MTMR3: variants seen among roughly 807,000 people sequenced by gnomAD.
MTMR3 encodes myotubularin related protein 3, also known as phosphatidylinositol-3,5-bisphosphate 3-phosphatase MTMR3.
MTMR3 carries 32 observed loss-of-function variants against 132.4 expected under a neutral mutation model. The observed-to-expected ratio is 0.24, with a 90% confidence interval of 0.18 to 0.32. The LOEUF is 0.32. Ranked by LOEUF, MTMR3 falls within the 10% of genes least tolerant of loss-of-function variation. The pLI, the probability that MTMR3 is intolerant of heterozygous loss-of-function variation, is 1.00. For missense variants in MTMR3, 1,216 were observed against 1,489.6 expected, an observed-to-expected ratio of 0.82 and a Z score of 3.02; for synonymous variants, 556 against 550.3, an observed-to-expected ratio of 1.01 and a Z score of -0.14.
At chr22:29,929,801 C>T (rs112965740) in intron 1 of MTMR3, among the ~76,000 whole-genome samples, 6,602 of 152,214 alleles carry the variant, frequency 0.043, 483 homozygotes, top group African/African-American at 0.15. Flanking sequence ...CGTGAGCCAC[C>T]GCGCCCGGCC....
chr22:30,003,961 A>C (rs1408697134), intron 9 of MTMR3: 1 of 152,150 alleles, frequency 6.6e-6, no homozygotes, highest in Admixed American at 6.5e-5. Flanking sequence ...TAGAAACTTC[A>C]TTCCACTGAA....
chr22:30,030,539 A>G lies in MTMR3; in HGVS notation c.*4738A>G, dbSNP rs2067992329. On this transcript the variant is annotated 3_prime_UTR_variant, in exon 20 of 20. Transcript: ENST00000401950. ...GTTGAGCCCCTGGATTTGGGTTGTC[A>G]CTGTGGTTCTCCTGCCAGTGCTATA... 1 of 148,882 alleles carries G rather than the reference A, an allele frequency of 6.7e-6. No homozygotes were observed. The highest frequency in any genetic ancestry group is 2.5e-5 in the African/African-American group (1 of 40,264). 9.2% of individuals were successfully genotyped at this position (148,882 alleles called of 1,614,324 possible).
At chr22:29,986,488 T>C (rs2066859985) in intron 5 of MTMR3, 4 of 702,110 alleles carry the variant, frequency 5.7e-6, no homozygotes, top group Non-Finnish European at 6.9e-6. Flanking sequence ...CTCTGATAAA[T>C]TGTAGGTTTG....
At chr22:30,013,690 A>G in intron 14 of MTMR3, 149 bp downstream of exon 14, 1 of 761,500 alleles carries the variant, frequency 1.3e-6, no homozygotes, top group Non-Finnish European at 2.0e-6. Flanking sequence ...TTTAGTAAAT[A>G]ATTTTGCTAT....
chr22:29,907,688 A>G (rs1385705373), intron 1 of MTMR3, among the ~76,000 whole-genome samples: 2 of 152,258 alleles, frequency 1.3e-5, no homozygotes, highest in African/African-American at 4.8e-5. Flanking sequence ...ATGCTTGCAC[A>G]TAAGAGAATC....
rs2145966868 is a variant in MTMR3, at chr22:30,017,754, T to G, written c.1675-173T>G. On this transcript the variant is annotated intron_variant, in intron 15 of 19. Coordinates refer to ENST00000401950, the MANE Select transcript of MTMR3 (RefSeq NM_021090.4). Reference sequence around the variant, plus strand: ...AATGTTGGCTATATAAAATGTCTAGTCCTGTATTGGTCCTCTTGGGATAGA... The same window carrying G: ...AATGTTGGCTATATAAAATGTCTAGGCCTGTATTGGTCCTCTTGGGATAGA... The G allele has an allele frequency of 2.2e-5, 15 of 676,504 alleles. No homozygotes were observed. In the South Asian group the frequency reaches 3.1e-4, roughly 14 times the overall value. The allele number at this position is 676,504 out of a possible 1,614,324, so 41.9% of individuals were successfully genotyped here. A position where few individuals can be genotyped will look rare whatever the true frequency, so the allele number is the denominator to read the frequency against.
intron 7 of MTMR3, chr22:29,993,810 T>C (rs1244525784): frequency 6.6e-6 from 1 of 152,206 alleles, no homozygotes; most frequent in African/African-American, 2.4e-5. Flanking sequence ...CCTGATGATA[T>C]CTGGTATTCT....
rs957833264 is a variant in MTMR3 at position 29,926,667 on chromosome 22, T to C, written c.-137-30369T>C. On this transcript the variant is annotated intron_variant, in intron 1 of 19. Coordinates refer to ENST00000401950, the MANE Select transcript of MTMR3 (RefSeq NM_021090.4). The stretch of plus-strand genomic sequence containing the variant: ...ATGCTGGGCATCTTTTGTGTACTTA[T>C]TGGTCATTTGTGTATCTTCTTTGGA... Among the ~76,000 whole-genome samples, 9 of 152,338 alleles carry C rather than the reference T, an allele frequency of 5.9e-5. No homozygotes were observed. The East Asian group carries it at 1.3e-3, about 23-fold the overall frequency.
chr22:29,970,497 C>CTTTTT lies in MTMR3; in HGVS notation c.-84-455_-84-451dup, dbSNP rs11326857. On this transcript the variant is annotated intron_variant, in intron 2 of 19. Coordinates refer to ENST00000401950, the MANE Select transcript of MTMR3 (RefSeq NM_021090.4). ...TACAGGCATGTGCTGCCATGACCAG[C>CTTTTT]TTTTTTTTTTTTTTTTTTTTTTTTT... Among the ~76,000 whole-genome samples the CTTTTT allele has an allele frequency of 7.1e-3, 411 of 57,788 alleles. 49 individuals are homozygous for CTTTTT. Among genetic ancestry groups the CTTTTT allele is most frequent in the African/African-American group, 0.03 (387 of 12,706 alleles). 37.9% of individuals were successfully genotyped at this position (57,788 alleles called of 152,430 possible).
chr22:29,998,938 G>A (rs767420537), intron 8 of MTMR3, 81 bp downstream of exon 8: 113 of 824,486 alleles, frequency 1.4e-4, no homozygotes, highest in Non-Finnish European at 1.8e-4. Flanking sequence ...CAGAACATTT[G>A]AACTTAGACT....
At position 29,960,196 on chromosome 22, in the gene MTMR3, A is replaced by T. The variant is rs183393807; in HGVS notation, c.-85+3108A>T. Among the ~76,000 whole-genome samples, 365 of 152,348 alleles carry T rather than the reference A, an allele frequency of 2.4e-3. 1 individual carries two copies. Among genetic ancestry groups the T allele is most frequent in the Non-Finnish European group, 7.2e-4 (49 of 68,038 alleles). On this transcript the variant is annotated intron_variant, in intron 2 of 19. Transcript: ENST00000401950. ...TTAAAGGAGACTAAAGAGATATAAA[A>T]ATAGCTTCAATATATGATCCCAGAC...
At chr22:29,978,278 G>T in intron 3 of MTMR3, 164 bp from the exon 4 acceptor site, 1 of 490,170 alleles carries the variant, frequency 2.0e-6, no homozygotes, top group Non-Finnish European at 3.8e-6. Flanking sequence ...CTAATGTATT[G>T]GATAGAAAAA....
At chr22:29,941,236 G>C (rs2065852104) in intron 1 of MTMR3, among the ~76,000 whole-genome samples, 1 of 152,168 alleles carries the variant, frequency 6.6e-6, no homozygotes, top group South Asian at 2.1e-4. Flanking sequence ...TCAGTAAGTA[G>C]TTTGTTCATT....
chr22:30,011,564 T>C (rs2067426032), intron 12 of MTMR3: 1 of 152,276 alleles, frequency 6.6e-6, no homozygotes, highest in African/African-American at 2.4e-5. Flanking sequence ...GGTTTCACCA[T>C]GTTGGCCAGG....
At chr22:29,967,629 T>C (rs188915413) in intron 2 of MTMR3, among the ~76,000 whole-genome samples, 69 of 152,180 alleles carry the variant, frequency 4.5e-4, no homozygotes, top group African/African-American at 1.6e-3. Context: ...CATAAAGCTG[T>C]AGAACCATTA....
chr22:30,012,794 T>C, intron 13 of MTMR3: 1 of 415,994 alleles, frequency 2.4e-6, no homozygotes, highest in Non-Finnish European at 4.2e-6. Flanking sequence ...TAGACATATT[T>C]TCCTTTACAG....
chr22:30,030,519 G>A lies in MTMR3; in HGVS notation c.*4718G>A, dbSNP rs1569061565. 2.0e-5 allele frequency: 3 copies of A among 152,086 alleles called. No homozygotes were observed. In the South Asian group the frequency reaches 6.2e-4, roughly 32 times the overall value. 9.4% of individuals were successfully genotyped at this position (152,086 alleles called of 1,614,324 possible). On this transcript the variant is annotated 3_prime_UTR_variant, in exon 20 of 20. Coordinates refer to ENST00000401950, the MANE Select transcript of MTMR3 (RefSeq NM_021090.4). ...ATTTTCACCCACAAACAGTTGTTGA[G>A]CCCCTGGATTTGGGTTGTCACTGTG...
Position 30,016,699 on chromosome 22 carries a change from G to T in MTMR3, c.1674+1G>T. On this transcript the variant is annotated splice_donor_variant, in intron 15 of 19. Transcript: ENST00000401950. LOFTEE classifies it high-confidence loss of function. ...ACTGTATTCCTCTCAGTCAGAAGCC[G>T]TATGTATCCTTCAGCCTTTCCACTG... 6.2e-7 allele frequency: 1 copy of T among 1,610,566 alleles called. No individual in the cohort carries two copies.
At chr22:30,023,345 GT>G in intron 19 of MTMR3, 4 of 1,071,478 alleles carry the variant, frequency 3.7e-6, no homozygotes, top group Non-Finnish European at 5.8e-6. Flanking sequence ...AAATGGAACA[GT>G]CTCTTTGCCT....
Sources: gnomAD v4.1 joint callset for allele counts (sites outside exome capture counted in the v4.1 genomes callset) on GRCh38, gnomAD v4.1.1 for gene constraint, MANE v1.5 for transcripts, NCBI Gene and HGNC (gene_info 2026-07-23, HGNC 2026-07-21) for gene names.